The following RTN1 variants were observed in gnomAD, a reference collection of about 807,000 sequenced individuals.
The protein encoded by RTN1 is reticulon-1.
In RTN1, 25 loss-of-function variants were observed where a neutral mutation model predicts 65.5. The observed-to-expected ratio is 0.38, with a 90% CI of 0.28 to 0.53. The LOEUF (loss-of-function observed/expected upper bound fraction) is 0.53. Ranked by LOEUF, RTN1 falls within the 20% of genes least tolerant of loss-of-function variation. The pLI, the probability that RTN1 is intolerant of heterozygous loss-of-function variation, is 0.79. For missense variants in RTN1, 983 were observed against 1,025.4 expected, an observed-to-expected ratio of 0.96 and a Z score of 0.57; for synonymous variants, 471 against 447.6, an observed-to-expected ratio of 1.05 and a Z score of -0.66.
At chr14:59,709,634 T>C (rs1014748683) in intron 3 of RTN1, among the ~76,000 whole-genome samples, 1 of 152,194 alleles carries the variant, frequency 6.6e-6, no homozygotes, top group Non-Finnish European at 1.5e-5. Context: ...CCCTGCCTTG[T>C]GGTGCCAGTC....
At chr14:59,599,850 C>T (rs1441286289) in intron 8 of RTN1, among the ~76,000 whole-genome samples, 2 of 152,138 alleles carry the variant, frequency 1.3e-5, no homozygotes, top group African/African-American at 4.8e-5. Context: ...TTTGAGTTTT[C>T]AGGATGTCCT....
At chr14:59,632,792 T>C (rs534472126) in intron 3 of RTN1, among the ~76,000 whole-genome samples, 4 of 152,212 alleles carry the variant, frequency 2.6e-5, no homozygotes, top group East Asian at 3.9e-4. Context: ...GGCGTTTTCA[T>C]TGACCATAAA....
At chr14:59,687,542 G>T (rs890007274) in intron 3 of RTN1, among the ~76,000 whole-genome samples, 1 of 151,114 alleles carries the variant, frequency 6.6e-6, no homozygotes, top group African/African-American at 2.4e-5. Context: ...TACAGCAGGC[G>T]TCTCTCCATT....
chr14:59,814,635 T>C (rs989933786), intron 1 of RTN1, among the ~76,000 whole-genome samples: 1 of 152,226 alleles, frequency 6.6e-6, no homozygotes, highest in African/African-American at 2.4e-5. Flanking sequence ...ACAAAACAGA[T>C]TGGTGCCAAC....
chr14:59,656,351 T>C (rs1883123232), intron 3 of RTN1, among the ~76,000 whole-genome samples: 1 of 152,204 alleles, frequency 6.6e-6, no homozygotes, highest in Non-Finnish European at 1.5e-5. Context: ...TGTTTTATGG[T>C]ATATAAATTG....
At chr14:59,662,925 T>C (rs1883283130) in intron 3 of RTN1, among the ~76,000 whole-genome samples, 1 of 152,132 alleles carries the variant, frequency 6.6e-6, no homozygotes, top group African/African-American at 2.4e-5. Context: ...ACTTTAAAGT[T>C]CACACAGAGC....
intron 3 of RTN1, among the ~76,000 whole-genome samples, chr14:59,694,152 A>G (rs572131822): frequency 3.5e-4 from 54 of 152,322 alleles, no homozygotes; most frequent in South Asian, 1.2e-3. Context: ...CAGGCATTTC[A>G]TCACTCAGCT....
At chr14:59,703,172 T>G (rs1884216049) in intron 3 of RTN1, among the ~76,000 whole-genome samples, 1 of 152,102 alleles carries the variant, frequency 6.6e-6, no homozygotes, top group Non-Finnish European at 1.5e-5. Flanking sequence ...CTCCCCAGAG[T>G]CTTACCACTT....
At chr14:59,788,923 C>G (rs1026996866) in intron 1 of RTN1, among the ~76,000 whole-genome samples, 5 of 151,992 alleles carry the variant, frequency 3.3e-5, no homozygotes, top group African/African-American at 1.2e-4. Context: ...AAATTAACCT[C>G]TTTATTTTAT....
chr14:59,691,892 T>C (rs1010881031), intron 3 of RTN1, among the ~76,000 whole-genome samples: 2 of 152,120 alleles, frequency 1.3e-5, no homozygotes, highest in Non-Finnish European at 2.9e-5. Context: ...CATTGCTTTA[T>C]GATAAAAACT....
chr14:59,822,017 GT>G, intron 1 of RTN1, among the ~76,000 whole-genome samples: 1 of 152,242 alleles, frequency 6.6e-6, no homozygotes, highest in South Asian at 2.1e-4. Flanking sequence ...TCAGATTAAT[GT>G]TGGCCTCATA....
At chr14:59,811,875 C>A (rs1030171279) in intron 1 of RTN1, among the ~76,000 whole-genome samples, 3 of 152,108 alleles carry the variant, frequency 2.0e-5, no homozygotes, top group African/African-American at 2.4e-5. Context: ...TAACTGGGTA[C>A]GTTTAAAAAA....
chr14:59,862,459 C>T (rs1373095801), intron 1 of RTN1, among the ~76,000 whole-genome samples: 1 of 152,146 alleles, frequency 6.6e-6, no homozygotes, highest in Non-Finnish European at 1.5e-5. Flanking sequence ...TACTATCTAC[C>T]TCAAACACCC....
intron 6 of RTN1, 167 bp downstream of exon 6, chr14:59,603,685 T>C (rs1881651435): frequency 4.4e-6 from 2 of 456,568 alleles, no homozygotes; most frequent in African/African-American, 3.9e-5. Context: ...TAATATATAT[T>C]ATACTCTTTA....
chr14:59,818,966 C>T (rs757072857), intron 1 of RTN1, among the ~76,000 whole-genome samples: 46 of 152,148 alleles, frequency 3.0e-4, no homozygotes, highest in Admixed American at 3.3e-4. Flanking sequence ...AAAGGCAGCG[C>T]GTCTGGAATT....
intron 1 of RTN1, among the ~76,000 whole-genome samples, chr14:59,848,023 T>C (rs929635654): frequency 2.6e-5 from 4 of 152,190 alleles, no homozygotes; most frequent in Admixed American, 6.5e-5. Context: ...CCCCACTTCA[T>C]TAGAGCCTCT....
Position 59,829,364 on chromosome 14 carries a change from A to C in RTN1, c.241+41026T>G, listed in dbSNP as rs1957302. Reference sequence around the variant, plus strand: ...GAGGAGTTTCATGCCCCTGTAATTAAGGTATGCATTAAAAAACACCTCTAT... The same window carrying C: ...GAGGAGTTTCATGCCCCTGTAATTACGGTATGCATTAAAAAACACCTCTAT... On this transcript the variant is annotated intron_variant, in intron 1 of 8. Coordinates refer to ENST00000267484, the MANE Select transcript of RTN1 (RefSeq NM_021136.3). The surrounding 1 kb of genome is among the most constrained non-coding windows in gnomAD (Gnocchi z 4.3). Among the ~76,000 whole-genome samples the C allele has an allele frequency of 0.14, 21,021 of 152,158 alleles. 1,662 individuals carry two copies. Among genetic ancestry groups the C allele is most frequent in the South Asian group, 0.26 (1,249 of 4,822 alleles).
chr14:59,639,728 T>G (rs1192401332), intron 3 of RTN1, among the ~76,000 whole-genome samples: 1 of 152,190 alleles, frequency 6.6e-6, no homozygotes, highest in East Asian at 1.9e-4. Flanking sequence ...TTTCTGAGAG[T>G]TTTTGTTATG....
At chr14:59,611,040 C>T (rs1950783) in intron 3 of RTN1, among the ~76,000 whole-genome samples, 116,593 of 152,114 alleles carry the variant, frequency 0.77, 46,205 homozygotes, top group East Asian at 0.99. Flanking sequence ...TTAAAAACTC[C>T]GCTCCCTGAA....
Sources: gnomAD v4.1 joint callset for allele counts (sites outside exome capture counted in the v4.1 genomes callset) on GRCh38, gnomAD v4.1.1 for gene constraint, Gnocchi (gnomAD v3.1) non-coding constraint, MANE v1.5 for transcripts, NCBI Gene and HGNC (gene_info 2026-07-23, HGNC 2026-07-21) for gene names.